ETV6: variants seen among roughly 807,000 people sequenced by gnomAD.
ETV6 encodes transcription factor ETV6.
ETV6 carries 16 observed loss-of-function variants against 51.1 expected under a neutral mutation model. The observed-to-expected ratio is 0.31, with a 90% CI of 0.21 to 0.48. ETV6 has a LOEUF of 0.48. ETV6 is among the 20% of genes least tolerant of loss of function. The probability of loss-of-function intolerance (pLI) is 0.99; values close to 1 mark genes in which losing one functional copy is unlikely to be tolerated. For missense variants in ETV6, 458 were observed against 594.8 expected, an observed-to-expected ratio of 0.77 and a Z score of 2.39; for synonymous variants, 240 against 224.1, an observed-to-expected ratio of 1.07 and a Z score of -0.64.
At chr12:11,859,384 G>A (rs1170448543) in intron 4 of ETV6, among the ~76,000 whole-genome samples, 1 of 151,668 alleles carries the variant, frequency 6.6e-6, no homozygotes, top group African/African-American at 2.4e-5. Flanking sequence ...CTCGTGATCC[G>A]CCCGCCTCGG....
At chr12:11,774,619 C>T (rs1945293105) in intron 2 of ETV6, among the ~76,000 whole-genome samples, 1 of 152,166 alleles carries the variant, frequency 6.6e-6, no homozygotes, top group Admixed American at 6.5e-5. Context: ...AAATGGTGCC[C>T]AGGTTTTCAT....
chr12:11,820,139 C>T (rs886866286), intron 2 of ETV6, among the ~76,000 whole-genome samples: 13 of 152,152 alleles, frequency 8.5e-5, no homozygotes, highest in African/African-American at 1.9e-4. Context: ...TGGAGGAAAT[C>T]GAGGCACAGA....
At chr12:11,831,025 A>G (rs188775309) in intron 2 of ETV6, among the ~76,000 whole-genome samples, 2 of 152,324 alleles carry the variant, frequency 1.3e-5, no homozygotes, top group East Asian at 3.9e-4. Flanking sequence ...CATGATCTGA[A>G]TGCTGAGACA....
At chr12:11,855,548 T>C (rs1413261820) in intron 4 of ETV6, among the ~76,000 whole-genome samples, 2 of 152,170 alleles carry the variant, frequency 1.3e-5, no homozygotes, top group African/African-American at 4.8e-5. Flanking sequence ...TGATTGCTCA[T>C]CCCCAAGAGC....
intron 4 of ETV6, among the ~76,000 whole-genome samples, chr12:11,866,696 C>G (rs965681500): frequency 6.6e-6 from 1 of 152,196 alleles, no homozygotes; most frequent in Non-Finnish European, 1.5e-5. Context: ...CTTGATGAGA[C>G]TCAAACTCTG....
intron 1 of ETV6, among the ~76,000 whole-genome samples, chr12:11,724,850 T>C (rs1334372324): frequency 2.6e-5 from 4 of 152,202 alleles, no homozygotes; most frequent in Non-Finnish European, 5.9e-5. Context: ...CTGGGTGTCC[T>C]GTATTAACAT....
chr12:11,760,076 G>A (rs1400675870), intron 2 of ETV6, among the ~76,000 whole-genome samples: 1 of 152,096 alleles, frequency 6.6e-6, no homozygotes. Context: ...TGAGTGTTTT[G>A]TGGTTCATTT....
intron 4 of ETV6, among the ~76,000 whole-genome samples, chr12:11,864,032 A>G (rs1946756447): frequency 6.6e-6 from 1 of 152,222 alleles, no homozygotes; most frequent in Admixed American, 6.5e-5. Flanking sequence ...AAATAAATCA[A>G]GCTCCTCCAA....
chr12:11,653,155 A>G (rs1183023629), intron 1 of ETV6, among the ~76,000 whole-genome samples: 1 of 152,102 alleles, frequency 6.6e-6, no homozygotes, highest in East Asian at 1.9e-4. Context: ...GAAAGGATCA[A>G]CTCTCTATAA....
At chr12:11,865,458 C>T (rs76197219) in intron 4 of ETV6, among the ~76,000 whole-genome samples, 2,010 of 151,560 alleles carry the variant, frequency 0.013, 36 homozygotes, top group African/African-American at 0.035. Flanking sequence ...AGATGGTTAA[C>T]GTATCTCTTA....
At chr12:11,651,163 C>T (rs754763723) in intron 1 of ETV6, among the ~76,000 whole-genome samples, 4 of 152,228 alleles carry the variant, frequency 2.6e-5, no homozygotes, top group Non-Finnish European at 5.9e-5. Context: ...TCCACCAGTA[C>T]CCAGGTAGAA....
intron 3 of ETV6, among the ~76,000 whole-genome samples, chr12:11,851,729 T>A (rs1172097638): frequency 6.6e-6 from 1 of 152,170 alleles, no homozygotes. Context: ...TGGCAGAAAG[T>A]TATACTAACA....
At chr12:11,651,807 C>G (rs747307816) in intron 1 of ETV6, among the ~76,000 whole-genome samples, 13 of 152,190 alleles carry the variant, frequency 8.5e-5, no homozygotes, top group Non-Finnish European at 1.3e-4. Context: ...TCAGGAAAAT[C>G]TGCCAACTAC....
chr12:11,829,448 G>A (rs559782814), intron 2 of ETV6, among the ~76,000 whole-genome samples: 2 of 152,254 alleles, frequency 1.3e-5, no homozygotes, highest in South Asian at 2.1e-4. Context: ...TGGTGCAGCC[G>A]GTGTTTTAAC....
intron 5 of ETV6, among the ~76,000 whole-genome samples, chr12:11,883,577 G>A (rs755005392): frequency 6.6e-6 from 1 of 152,018 alleles, no homozygotes; most frequent in Non-Finnish European, 1.5e-5. Flanking sequence ...TTACAGGCGT[G>A]AGCCACCACG....
At chr12:11,853,362 T>C (rs1051593012) in intron 3 of ETV6, 65 bp from the exon 4 acceptor site, 33 of 1,599,702 alleles carry the variant, frequency 2.1e-5, no homozygotes, top group East Asian at 8.9e-5. Flanking sequence ...TAGCTGCTGC[T>C]CCGTAGATCG....
intron 2 of ETV6, among the ~76,000 whole-genome samples, chr12:11,806,431 A>G (rs1030420459): frequency 1.3e-5 from 2 of 152,256 alleles, no homozygotes; most frequent in African/African-American, 2.4e-5. Flanking sequence ...TGAATGCTGC[A>G]TGAAGGCTAA....
Position 11,650,019 on chromosome 12 carries a change from A to C in ETV6, c.-109A>C. 1 of 1,037,226 alleles carries C rather than the reference A, an allele frequency of 9.6e-7. No homozygotes were observed. Among genetic ancestry groups the C allele is most frequent in the East Asian group, 2.4e-5 (1 of 41,212 alleles). 64.3% of individuals were successfully genotyped at this position (1,037,226 alleles called of 1,614,324 possible). A position where few individuals can be genotyped will look rare whatever the true frequency, so the allele number is the denominator to read the frequency against. ...GGCTGCCGGGAGAGATGCTGGAAGA[A>C]ACTTCTTAAATGACCGCGTCTGGCT... On this transcript the variant is annotated 5_prime_UTR_variant, in exon 1 of 8. Transcript: ENST00000396373.
rs1946924601 is a variant in ETV6 at position 11,874,098 on chromosome 12, G to T, written c.1009+4129G>T. ...TTAAAAATCTATCATTTTTCAGGCTGGGTACTGTGGCTCACGCCTGTAATC... is the reference window on the plus strand; with the variant it reads ...TTAAAAATCTATCATTTTTCAGGCTTGGTACTGTGGCTCACGCCTGTAATC... On this transcript the variant is annotated intron_variant, in intron 5 of 7. Coordinates refer to ENST00000396373, the MANE Select transcript of ETV6 (RefSeq NM_001987.5). Among the ~76,000 whole-genome samples the T allele has an allele frequency of 1.8e-5, 2 of 111,660 alleles. 1 individual carries two copies. Among genetic ancestry groups the T allele is most frequent in the Non-Finnish European group, 3.6e-5 (2 of 55,124 alleles). The allele number at this position is 111,660 out of a possible 152,430, so 73.3% of individuals were successfully genotyped here.
Sources: allele counts gnomAD v4.1 joint callset (sites outside exome capture counted in the v4.1 genomes callset), GRCh38; gene constraint gnomAD v4.1.1; transcripts MANE v1.5; gene names NCBI Gene and HGNC (gene_info 2026-07-23, HGNC 2026-07-21).